The following SPOCK1 variants were observed in gnomAD, a reference collection of about 807,000 sequenced individuals.
The protein encoded by SPOCK1 is testican-1.
Under a neutral mutation model 55.3 loss-of-function variants are expected in SPOCK1, and 23 were observed. The ratio of observed to expected loss-of-function variants is 0.42; its 90% CI spans 0.30 to 0.59. The LOEUF is 0.59. Ranked by LOEUF, SPOCK1 falls within the 20% of genes least tolerant of loss-of-function variation. The pLI is 0.22. For synonymous variants in SPOCK1, 226 were observed against 221.0 expected, an observed-to-expected ratio of 1.02 and a Z score of -0.20; for missense variants, 499 against 552.5, an observed-to-expected ratio of 0.90 and a Z score of 0.97.
chr5:137,292,250 A>G (rs1666100951), intron 2 of SPOCK1, among the ~76,000 whole-genome samples: 1 of 152,046 alleles, frequency 6.6e-6, no homozygotes, highest in African/African-American at 2.4e-5. Flanking sequence ...AATATTTTCC[A>G]AAGCAAGAAA....
chr5:137,325,499 C>T (rs1027020277), intron 2 of SPOCK1, among the ~76,000 whole-genome samples: 1 of 152,176 alleles, frequency 6.6e-6, no homozygotes, highest in African/African-American at 2.4e-5. Context: ...TGCGTACATG[C>T]TTCCTAAAAA....
At chr5:137,000,195 ATCTCCT>A (rs1285121286) in intron 6 of SPOCK1, among the ~76,000 whole-genome samples, 1 of 152,118 alleles carries the variant, frequency 6.6e-6, no homozygotes, top group Non-Finnish European at 1.5e-5. Flanking sequence ...TTTCAAACTA[ATCTCCT>A]TCAGCCCTCC....
intron 2 of SPOCK1, among the ~76,000 whole-genome samples, chr5:137,364,160 C>T (rs1361478981): frequency 6.6e-6 from 1 of 152,202 alleles, no homozygotes; most frequent in Non-Finnish European, 1.5e-5. Flanking sequence ...TGCCCCTTCA[C>T]AGGCCTTTCT....
chr5:137,492,127 G>T (rs950950661), intron 2 of SPOCK1, among the ~76,000 whole-genome samples: 1 of 152,098 alleles, frequency 6.6e-6, no homozygotes, highest in Admixed American at 6.6e-5. Flanking sequence ...ATCAACAGTG[G>T]GATCCAATGA....
At chr5:137,387,664 A>T (rs996261385) in intron 2 of SPOCK1, among the ~76,000 whole-genome samples, 4 of 152,224 alleles carry the variant, frequency 2.6e-5, no homozygotes, top group Non-Finnish European at 5.9e-5. Flanking sequence ...TAAAATGCAC[A>T]ACACCAAGAG....
Position 136,988,468 on chromosome 5 carries a change from G to A in SPOCK1, c.882C>T (p.Gly294=). The change falls in exon 8 of 11, where the codon GGC becomes GGT. Residue 294 remains glycine, a synonymous_variant. Coordinates refer to ENST00000394945, the MANE Select transcript of SPOCK1 (RefSeq NM_004598.4). ...LFNSCDSFKD[G]KLSNNEWCYC... The stretch of plus-strand genomic sequence containing the variant: ...AGCACCACTCATTGTTAGAAAGCTT[G>A]CCATCCTTGAAGGAGTCACACGAGT... The A allele has an allele frequency of 1.2e-6, 2 of 1,614,104 alleles. No individual in the cohort carries two copies. Among genetic ancestry groups the A allele is most frequent in the Admixed American group, 1.7e-5 (1 of 60,022 alleles).
At chr5:137,149,947 G>A (rs1258040268) in intron 3 of SPOCK1, among the ~76,000 whole-genome samples, 2 of 152,180 alleles carry the variant, frequency 1.3e-5, no homozygotes, top group African/African-American at 4.8e-5. Flanking sequence ...GATGTTGTGA[G>A]GATCTGATGG....
chr5:137,335,058 G>A (rs1057192082), intron 2 of SPOCK1, among the ~76,000 whole-genome samples: 7 of 152,200 alleles, frequency 4.6e-5, no homozygotes, highest in Non-Finnish European at 8.8e-5. Context: ...CCTGGGGTTA[G>A]GGTACAAGTG....
At chr5:137,279,731 C>T (rs1757133592) in intron 2 of SPOCK1, among the ~76,000 whole-genome samples, 1 of 152,194 alleles carries the variant, frequency 6.6e-6, no homozygotes, top group Admixed American at 6.5e-5. Flanking sequence ...ATTACAATCC[C>T]TCCACTTTAG....
chr5:137,389,699 G>C (rs778371230), intron 2 of SPOCK1, among the ~76,000 whole-genome samples: 1 of 152,240 alleles, frequency 6.6e-6, no homozygotes, highest in East Asian at 1.9e-4. Flanking sequence ...CCAAGATGCT[G>C]AGGAACAGAT....
intron 2 of SPOCK1, among the ~76,000 whole-genome samples, chr5:137,363,180 C>T (rs1750987179): frequency 6.6e-6 from 1 of 152,198 alleles, no homozygotes; most frequent in South Asian, 2.1e-4. Context: ...AGATGGGCAT[C>T]TGCCCTGTAA....
chr5:137,332,432 C>G (rs1042856051), intron 2 of SPOCK1, among the ~76,000 whole-genome samples: 3 of 152,138 alleles, frequency 2.0e-5, no homozygotes, highest in Admixed American at 6.5e-5. Context: ...GCGCTCTGCA[C>G]CCAGCCCCCA....
intron 2 of SPOCK1, chr5:137,365,441 T>A (rs1751037068): frequency 6.6e-6 from 1 of 152,208 alleles, no homozygotes; most frequent in African/African-American, 2.4e-5. Flanking sequence ...CAGAAGCAGG[T>A]AGCCTCTCTT....
chr5:137,263,944 G>A (rs1481291892), intron 3 of SPOCK1, among the ~76,000 whole-genome samples: 1 of 152,100 alleles, frequency 6.6e-6, no homozygotes, highest in Non-Finnish European at 1.5e-5. Flanking sequence ...CATGATGATA[G>A]CACTCGCTCC....
intron 2 of SPOCK1, among the ~76,000 whole-genome samples, chr5:137,281,911 T>G (rs1405168135): frequency 1.3e-5 from 2 of 152,236 alleles, no homozygotes; most frequent in Admixed American, 1.3e-4. Context: ...TTCTGTTTCC[T>G]GGTCTAAAAC....
chr5:137,215,702 C>G (rs1252617000), intron 3 of SPOCK1, among the ~76,000 whole-genome samples: 1 of 152,144 alleles, frequency 6.6e-6, no homozygotes, highest in Non-Finnish European at 1.5e-5. Flanking sequence ...TTCATGTTCC[C>G]CTACCATGAG....
At chr5:137,061,365 A>T (rs115953021) in intron 6 of SPOCK1, among the ~76,000 whole-genome samples, 2,426 of 152,232 alleles carry the variant, frequency 0.016, 63 homozygotes, top group African/African-American at 0.056. Context: ...ATGGAATTGG[A>T]CAACCGTCTG....
chr5:137,418,948 T>C lies in SPOCK1; in HGVS notation c.186+79425A>G, dbSNP rs531555433. 7.9e-5 allele frequency among the ~76,000 whole-genome samples: 12 copies of C among 152,336 alleles called. No individual in the cohort carries two copies. The South Asian group carries it at 2.5e-3, about 32-fold the overall frequency. On this transcript the variant is annotated intron_variant, in intron 2 of 10. Coordinates refer to ENST00000394945, the MANE Select transcript of SPOCK1 (RefSeq NM_004598.4). Reference sequence around the variant, plus strand: ...TATGGTTTTAGGTCTGACATTTAAGTCTTTAATCCATCTTGAATTAATTTT... The same window carrying C: ...TATGGTTTTAGGTCTGACATTTAAGCCTTTAATCCATCTTGAATTAATTTT...
At chr5:137,386,129 T>C (rs1329201838) in intron 2 of SPOCK1, among the ~76,000 whole-genome samples, 1 of 152,234 alleles carries the variant, frequency 6.6e-6, no homozygotes, top group Non-Finnish European at 1.5e-5. Context: ...ATATCATTTA[T>C]ATTAGCACCC....
Sources: gnomAD v4.1 joint callset for allele counts (sites outside exome capture counted in the v4.1 genomes callset) on GRCh38, gnomAD v4.1.1 for gene constraint, MANE v1.5 for transcripts, NCBI Gene and HGNC (gene_info 2026-07-23, HGNC 2026-07-21) for gene names.